MYO1D: variants seen among roughly 807,000 people sequenced by gnomAD.
The protein encoded by MYO1D is unconventional myosin-Id.
A neutral mutation model predicts 122.0 loss-of-function variants in MYO1D; 83 were observed. That is an observed-to-expected ratio of 0.68 (90% confidence interval 0.57 to 0.82). The LOEUF (loss-of-function observed/expected upper bound fraction) is 0.82, where lower values mean the gene tolerates loss of function less well. Among genes scored for constraint, MYO1D ranks in the 40% least tolerant of loss-of-function variants. The probability of loss-of-function intolerance (pLI) is 0.00; values close to 1 mark genes in which losing one functional copy is unlikely to be tolerated. For missense variants in MYO1D, 1,157 were observed against 1,269.5 expected (o/e 0.91, Z 1.35); for synonymous variants, 464 against 446.9 (o/e 1.04, Z -0.48).
At chr17:32,849,756 ATAC>A (rs2090969865) in intron 1 of MYO1D, among the ~76,000 whole-genome samples, 1 of 152,120 alleles carries the variant, frequency 6.6e-6, no homozygotes, top group African/African-American at 2.4e-5. Context: ...TGGCACATGT[ATAC>A]ATATGTAACT....
Position 32,653,962 on chromosome 17 carries a change from A to C in MYO1D, c.2491-15T>G. 6.3e-7 allele frequency: 1 copy of C among 1,592,120 alleles called. No homozygotes were observed. The highest frequency in any genetic ancestry group is 8.6e-7 in the Non-Finnish European group (1 of 1,162,142). On this transcript the variant is annotated splice_polypyrimidine_tract_variant and intron_variant, in intron 18 of 21. Transcript: ENST00000318217. ...GTATCTGGCTTCTGAAAGAGAAAGGAAACAAGACAAAATGAGTATGCTTAG... is the reference window on the plus strand; with the variant it reads ...GTATCTGGCTTCTGAAAGAGAAAGGCAACAAGACAAAATGAGTATGCTTAG...
intron 21 of MYO1D, among the ~76,000 whole-genome samples, chr17:32,538,466 ATTAT>A (rs756790539): frequency 7.4e-6 from 1 of 134,688 alleles, no homozygotes; most frequent in African/African-American, 2.9e-5. Context: ...TATTATTATT[ATTAT>A]TTTTTTTTTT....
intron 21 of MYO1D, chr17:32,505,053 C>T (rs1909454863): frequency 6.5e-6 from 1 of 152,686 alleles, no homozygotes; most frequent in African/African-American, 2.4e-5. Context: ...CCCGGACTGG[C>T]TTCTCTGCCT....
chr17:32,583,836 C>G (rs1432872976), intron 21 of MYO1D, among the ~76,000 whole-genome samples: 1 of 152,086 alleles, frequency 6.6e-6, no homozygotes, highest in Non-Finnish European at 1.5e-5. Flanking sequence ...ACCTCCTGGG[C>G]TCAAGTGATC....
chr17:32,775,499 G>T (rs1208594626), intron 4 of MYO1D, among the ~76,000 whole-genome samples: 2 of 152,094 alleles, frequency 1.3e-5, no homozygotes, highest in African/African-American at 4.8e-5. Context: ...AAGAAAATGA[G>T]ATATCAAATT....
At chr17:32,668,527 AC>A (rs1315092397) in intron 16 of MYO1D, among the ~76,000 whole-genome samples, 5 of 152,042 alleles carry the variant, frequency 3.3e-5, no homozygotes, top group Non-Finnish European at 2.9e-5. Context: ...CCAAAGGTAT[AC>A]CCTAACATTG....
intron 2 of MYO1D, among the ~76,000 whole-genome samples, chr17:32,779,119 G>C (rs1364681475): frequency 6.6e-6 from 1 of 152,076 alleles, no homozygotes; most frequent in Admixed American, 6.6e-5. Context: ...GGGGGATGGG[G>C]AAAAAGGAAC....
At chr17:32,650,155 GTCTT>G (rs1227364630) in intron 19 of MYO1D, among the ~76,000 whole-genome samples, 1 of 152,094 alleles carries the variant, frequency 6.6e-6, no homozygotes, top group African/African-American at 2.4e-5. Flanking sequence ...GTCTGAAAAA[GTCTT>G]TATTTCACTT....
At chr17:32,745,149 T>G in intron 13 of MYO1D, 62 bp downstream of exon 13, 1 of 893,976 alleles carries the variant, frequency 1.1e-6, no homozygotes. Context: ...TATAACCATG[T>G]GCATATATTA....
At chr17:32,813,491 TGGA>T (rs1352957357) in intron 1 of MYO1D, among the ~76,000 whole-genome samples, 6 of 151,492 alleles carry the variant, frequency 4.0e-5, no homozygotes, top group African/African-American at 9.7e-5. Flanking sequence ...GGCGATGGGG[TGGA>T]GGAGGAGGAG....
At chr17:32,650,663 A>T (rs1447585220) in intron 19 of MYO1D, among the ~76,000 whole-genome samples, 1 of 152,018 alleles carries the variant, frequency 6.6e-6, no homozygotes, top group African/African-American at 2.4e-5. Flanking sequence ...TTCTGCAAAG[A>T]CTAATCTGCT....
chr17:32,716,755 A>G (rs1295069749), intron 15 of MYO1D, among the ~76,000 whole-genome samples: 1 of 152,234 alleles, frequency 6.6e-6, no homozygotes, highest in Non-Finnish European at 1.5e-5. Context: ...CTACAGCCCC[A>G]CTGCTCAGCT....
chr17:32,635,650 G>A (rs2088087789), intron 20 of MYO1D, among the ~76,000 whole-genome samples: 1 of 152,156 alleles, frequency 6.6e-6, no homozygotes, highest in South Asian at 2.1e-4. Flanking sequence ...CCGAGATGGC[G>A]CCACTGCACT....
At chr17:32,660,095 T>C (rs2088541264) in intron 16 of MYO1D, among the ~76,000 whole-genome samples, 1 of 152,180 alleles carries the variant, frequency 6.6e-6, no homozygotes, top group African/African-American at 2.4e-5. Context: ...TTCCCCTGTA[T>C]ATCCTCTCCA....
intron 21 of MYO1D, among the ~76,000 whole-genome samples, chr17:32,551,832 T>C (rs1160802784): frequency 6.6e-6 from 1 of 152,226 alleles, no homozygotes; most frequent in Non-Finnish European, 1.5e-5. Flanking sequence ...TGGCACATTG[T>C]TGGTACTCAA....
chr17:32,552,645 G>T (rs924761114), intron 21 of MYO1D, among the ~76,000 whole-genome samples: 3 of 152,118 alleles, frequency 2.0e-5, no homozygotes, highest in African/African-American at 7.2e-5. Flanking sequence ...ACTGTGCTGG[G>T]TACTAGAGAG....
chr17:32,559,370 T>C (rs72813085), intron 21 of MYO1D, among the ~76,000 whole-genome samples: 3,425 of 152,354 alleles, frequency 0.022, 61 homozygotes, highest in Middle Eastern at 0.065. Flanking sequence ...GTAACCTAAC[T>C]GGATGTGTGA....
chr17:32,499,461 C>G (rs1044632920), intron 21 of MYO1D: 2 of 151,770 alleles, frequency 1.3e-5, no homozygotes, highest in African/African-American at 4.9e-5. Flanking sequence ...TGGTGAAACC[C>G]AGTCTCTACT....
intron 16 of MYO1D, among the ~76,000 whole-genome samples, chr17:32,690,752 G>C (rs578210635): frequency 5.3e-5 from 8 of 152,190 alleles, no homozygotes; most frequent in African/African-American, 1.9e-4. Flanking sequence ...GAAGCTCTTT[G>C]AGGGCCTCAC....
Sources: allele counts gnomAD v4.1 joint callset (sites outside exome capture counted in the v4.1 genomes callset), GRCh38; gene constraint gnomAD v4.1.1; transcripts MANE v1.5; gene names NCBI Gene and HGNC (gene_info 2026-07-23, HGNC 2026-07-21).